Variants in FUT8 observed in about 807,000 individuals in gnomAD.
The protein encoded by FUT8 is alpha-(1,6)-fucosyltransferase.
Under a neutral mutation model 71.3 loss-of-function variants are expected in FUT8, and 29 were observed. The ratio of observed to expected loss-of-function variants is 0.41; its 90% CI spans 0.30 to 0.55. FUT8 has a LOEUF of 0.55. Ranked by LOEUF, FUT8 falls within the 20% of genes least tolerant of loss-of-function variation. The pLI, the probability that FUT8 is intolerant of heterozygous loss-of-function variation, is 0.34. For synonymous variants in FUT8, 254 were observed against 239.3 expected, an observed-to-expected ratio of 1.06 and a Z score of -0.57; for missense variants, 544 against 702.1, an observed-to-expected ratio of 0.77 and a Z score of 2.55.
At chr14:65,464,093 G>A (rs955668368) in intron 2 of FUT8, among the ~76,000 whole-genome samples, 3 of 152,118 alleles carry the variant, frequency 2.0e-5, no homozygotes, top group Non-Finnish European at 2.9e-5. Context: ...TGTGAAAGTT[G>A]TTTAATTGGA....
intron 3 of FUT8, among the ~76,000 whole-genome samples, chr14:65,576,696 C>CTTTTTTTTTTTTTTTTTTTTTTTTTT (rs376473739): frequency 2.1e-5 from 2 of 96,214 alleles, no homozygotes; most frequent in Non-Finnish European, 3.6e-5. Context: ...GCCCAGCTTG[C>CTTTTTTTTTTTTTTTTTTTTTTTTTT]TTTTTTTTTT....
intron 2 of FUT8, among the ~76,000 whole-genome samples, chr14:65,495,444 T>C (rs1027585486): frequency 1.3e-5 from 2 of 152,154 alleles, no homozygotes; most frequent in Non-Finnish European, 2.9e-5. Context: ...CTGGATATTT[T>C]GTTTCTTTTA....
At chr14:65,723,583 A>C (rs1427294073) in intron 8 of FUT8, among the ~76,000 whole-genome samples, 2 of 152,228 alleles carry the variant, frequency 1.3e-5, no homozygotes, top group Non-Finnish European at 2.9e-5. Flanking sequence ...AAAAACCGTT[A>C]AAAGGTTTGC....
chr14:65,593,095 A>G (rs1302396449), intron 3 of FUT8, among the ~76,000 whole-genome samples: 1 of 152,132 alleles, frequency 6.6e-6, no homozygotes, highest in Non-Finnish European at 1.5e-5. Flanking sequence ...GGCTCTAATG[A>G]TGTTTATAAT....
intron 1 of FUT8, among the ~76,000 whole-genome samples, chr14:65,431,020 A>G (rs1286878977): frequency 8.5e-5 from 11 of 130,076 alleles, no homozygotes; most frequent in Admixed American, 2.4e-4. Context: ...TTTGAGACAG[A>G]GTTTCACTCT....
intron 1 of FUT8, among the ~76,000 whole-genome samples, chr14:65,446,945 A>G (rs1345012619): frequency 1.3e-5 from 2 of 152,170 alleles, no homozygotes; most frequent in Non-Finnish European, 2.9e-5. Context: ...CTGGGACTAC[A>G]GGCACGTACC....
chr14:65,665,570 T>C (rs984154231), intron 6 of FUT8, among the ~76,000 whole-genome samples: 5 of 152,138 alleles, frequency 3.3e-5, no homozygotes, highest in African/African-American at 1.2e-4. Context: ...GACCCAGCAG[T>C]CCCATTACTG....
chr14:65,541,047 T>C (rs921499595), intron 2 of FUT8, among the ~76,000 whole-genome samples: 11 of 152,342 alleles, frequency 7.2e-5, no homozygotes, highest in African/African-American at 2.2e-4. Flanking sequence ...TTAAATGAAG[T>C]GTTTATAACC....
At chr14:65,477,859 C>CTT (rs79007912) in intron 2 of FUT8, among the ~76,000 whole-genome samples, 7 of 143,196 alleles carry the variant, frequency 4.9e-5, no homozygotes, top group African/African-American at 1.0e-4. Flanking sequence ...TTTGTGATGT[C>CTT]TTTTTTTTTT....
chr14:65,561,968 C>G (rs990415806), intron 3 of FUT8, among the ~76,000 whole-genome samples: 3 of 152,042 alleles, frequency 2.0e-5, no homozygotes, highest in Non-Finnish European at 4.4e-5. Context: ...CACAGGTGAC[C>G]CAGAACAGCT....
intron 5 of FUT8, among the ~76,000 whole-genome samples, chr14:65,620,036 T>C (rs906726365): frequency 2.6e-5 from 4 of 152,222 alleles, no homozygotes; most frequent in Admixed American, 6.5e-5. Context: ...TGCAGAGACA[T>C]GTTTAACTTA....
rs1411683267 is a variant in FUT8 at position 65,742,325 on chromosome 14, G to A, written c.1643G>A (p.Gly548Glu). The change falls in exon 11 of 11, where the codon GGA becomes GAA. Residue 548 changes from glycine (G) to glutamate (E), a missense_variant. Gly to Glu is a moderately conservative substitution (Grantham distance 98). Transcript: ENST00000673929. ...GYSKGVNRKL[G>E]RTGLYPSYKV... is the part of the protein sequence containing the mutation. The stretch of plus-strand genomic sequence containing the variant: ...TCTAAAGGTGTCAACAGGAAATTGG[G>A]AAGGACGGGCCTATATCCCTCCTAC... The A allele has an allele frequency of 6.2e-7, 1 of 1,612,980 alleles. No homozygotes were observed. Among genetic ancestry groups the A allele is most frequent in the East Asian group, 2.2e-5 (1 of 44,836 alleles).
At chr14:65,466,504 C>G (rs969654856) in intron 2 of FUT8, among the ~76,000 whole-genome samples, 1 of 152,180 alleles carries the variant, frequency 6.6e-6, no homozygotes, top group Non-Finnish European at 1.5e-5. Context: ...AATCCCAGCA[C>G]TTTGGGAGGC....
At chr14:65,517,077 G>A (rs985464787) in intron 2 of FUT8, among the ~76,000 whole-genome samples, 15 of 151,724 alleles carry the variant, frequency 9.9e-5, no homozygotes, top group African/African-American at 2.9e-4. Flanking sequence ...TTAATATTCC[G>A]TTATATGTGT....
chr14:65,615,607 G>A (rs1442257495), intron 3 of FUT8, among the ~76,000 whole-genome samples: 2 of 152,028 alleles, frequency 1.3e-5, no homozygotes, highest in Non-Finnish European at 2.9e-5. Flanking sequence ...TTCCCTTTAA[G>A]CCTTTTCTTT....
At position 65,467,201 on chromosome 14, in the gene FUT8, C is replaced by T. The variant is rs1172050950; in HGVS notation, c.-228+11483C>T. On this transcript the variant is annotated intron_variant, in intron 2 of 10. Coordinates refer to ENST00000673929, the MANE Select transcript of FUT8 (RefSeq NM_001371533.1). The surrounding 1 kb of genome is among the most constrained non-coding windows in gnomAD (Gnocchi z 4.1). ...TCTCCCAGTTTTTATTTCAGAAAGT[C>T]TTTATTTCTTCACTTTTGGAGGATA... 6.6e-6 allele frequency among the ~76,000 whole-genome samples: 1 copy of T among 152,104 alleles called. No homozygotes were observed. The highest frequency in any genetic ancestry group is 2.4e-5 in the African/African-American group (1 of 41,422).
At chr14:65,487,116 T>A (rs1227945870) in intron 2 of FUT8, among the ~76,000 whole-genome samples, 1 of 152,198 alleles carries the variant, frequency 6.6e-6, no homozygotes, top group Non-Finnish European at 1.5e-5. Flanking sequence ...AGGAGAGTTC[T>A]AACTTGGAGA....
At chr14:65,378,212 G>T in the FUT8 span, among the ~76,000 whole-genome samples, 64 of 152,118 alleles carry the variant, frequency 4.2e-4, 3 homozygotes, top group African/African-American at 1.5e-3. Context: ...TAGTTTAGGA[G>T]TCACCCTACC....
chr14:65,430,026 GT>G (rs34753196), intron 1 of FUT8, among the ~76,000 whole-genome samples: 96,905 of 145,096 alleles, frequency 0.67, 31,997 homozygotes, highest in East Asian at 0.9. Context: ...TTTTGTTTTT[GT>G]TTTTTTTTTT....
Sources: gnomAD v4.1 joint callset for allele counts (sites outside exome capture counted in the v4.1 genomes callset) on GRCh38, gnomAD v4.1.1 for gene constraint, Gnocchi (gnomAD v3.1) non-coding constraint, MANE v1.5 for transcripts, NCBI Gene and HGNC (gene_info 2026-07-23, HGNC 2026-07-21) for gene names.